Variants in GNG4 observed in about 807,000 individuals in gnomAD.
The protein encoded by GNG4 is G protein subunit gamma 4.
Under a neutral mutation model 5.8 loss-of-function variants are expected in GNG4, and 4 were observed. That is an observed-to-expected ratio of 0.69 (90% CI 0.34 to 1.57). GNG4 has a LOEUF of 1.57. GNG4 is among the 40% of genes most tolerant of loss of function. The pLI, the probability that GNG4 is intolerant of heterozygous loss-of-function variation, is 0.06. For synonymous variants in GNG4, 29 were observed against 32.9 expected (o/e 0.88, Z 0.41); for missense variants, 96 against 95.1 (o/e 1.01, Z -0.04).
At chr1:235,628,366 C>A (rs1688862552) in intron 1 of GNG4, among the ~76,000 whole-genome samples, 1 of 151,780 alleles carries the variant, frequency 6.6e-6, no homozygotes, top group Non-Finnish European at 1.5e-5. Context: ...CGGAGAGTGA[C>A]CCTCTCTGCA....
intron 3 of GNG4, among the ~76,000 whole-genome samples, chr1:235,554,115 G>A (rs1020223621): frequency 6.6e-6 from 1 of 152,158 alleles, no homozygotes; most frequent in African/African-American, 2.4e-5. Context: ...TAAGGAAATG[G>A]ACTCTGAGGC....
At chr1:235,625,959 T>C (rs1688800502) in intron 1 of GNG4, among the ~76,000 whole-genome samples, 1 of 152,184 alleles carries the variant, frequency 6.6e-6, no homozygotes, top group African/African-American at 2.4e-5. Context: ...AGGAGTGCAA[T>C]TGCTATAGCA....
intron 3 of GNG4, among the ~76,000 whole-genome samples, chr1:235,556,333 G>A (rs887004123): frequency 6.6e-6 from 1 of 151,752 alleles, no homozygotes; most frequent in Admixed American, 6.6e-5. Context: ...GCCGAGGCAG[G>A]CAGATCACAA....
intron 2 of GNG4, among the ~76,000 whole-genome samples, chr1:235,593,331 G>T (rs899464727): frequency 6.6e-6 from 1 of 152,180 alleles, no homozygotes; most frequent in African/African-American, 2.4e-5. Flanking sequence ...CCAATGCAAG[G>T]CGGTTCCATC....
At chr1:235,570,578 G>C (rs1687308094) in intron 3 of GNG4, among the ~76,000 whole-genome samples, 2 of 151,568 alleles carry the variant, frequency 1.3e-5, no homozygotes, top group African/African-American at 4.8e-5. Context: ...TGTATCTTTA[G>C]TAGAGACAGG....
chr1:235,627,075 C>G (rs1490691271), intron 1 of GNG4, among the ~76,000 whole-genome samples: 1 of 149,230 alleles, frequency 6.7e-6, no homozygotes, highest in African/African-American at 2.5e-5. Context: ...AAGAGAAATG[C>G]ACCATCGCTA....
At chr1:235,559,102 C>A (rs1472065130) in intron 3 of GNG4, among the ~76,000 whole-genome samples, 1 of 152,182 alleles carries the variant, frequency 6.6e-6, no homozygotes. Flanking sequence ...CTGAAGTAGA[C>A]AGACCCACAC....
intron 1 of GNG4, among the ~76,000 whole-genome samples, chr1:235,626,820 G>A (rs530405177): frequency 2.0e-5 from 3 of 151,984 alleles, no homozygotes; most frequent in African/African-American, 7.2e-5. Flanking sequence ...TTAGCTGGGC[G>A]TGGTGGCACA....
chr1:235,627,650 T>C (rs1306147066), intron 1 of GNG4, among the ~76,000 whole-genome samples: 1 of 152,148 alleles, frequency 6.6e-6, no homozygotes, highest in African/African-American at 2.4e-5. Flanking sequence ...GCTGCGGCAG[T>C]CAATCTGTGC....
chr1:235,574,815 A>T (rs760028515), intron 3 of GNG4, among the ~76,000 whole-genome samples: 1 of 151,922 alleles, frequency 6.6e-6, no homozygotes, highest in Non-Finnish European at 1.5e-5. Context: ...ATCTGTCACG[A>T]CACAATCCTT....
rs1417642301 is a variant in GNG4, at chr1:235,648,532, A to G, written c.-123+1130T>C. On this transcript the variant is annotated intron_variant, in intron 1 of 3. Transcript: ENST00000391854. The surrounding 1 kb of genome is among the most constrained non-coding windows in gnomAD (Gnocchi z 5.0). ...CCCCCGCCTCATACAAAAATCAGGA[A>G]AAGGAGTTGCGGGAGGAATCGAGAA... 1.3e-5 allele frequency among the ~76,000 whole-genome samples: 2 copies of G among 152,178 alleles called. No individual in the cohort carries two copies. The highest frequency in any genetic ancestry group is 4.8e-5 in the African/African-American group (2 of 41,446).
At chr1:235,591,779 C>A (rs1687970238) in intron 2 of GNG4, among the ~76,000 whole-genome samples, 1 of 152,224 alleles carries the variant, frequency 6.6e-6, no homozygotes, top group Non-Finnish European at 1.5e-5. Flanking sequence ...TTAGGGGTGG[C>A]ACCTGGGGCC....
chr1:235,571,663 C>T (rs540104023), intron 3 of GNG4, among the ~76,000 whole-genome samples: 67 of 152,128 alleles, frequency 4.4e-4, no homozygotes, highest in African/African-American at 1.6e-3. Flanking sequence ...CGCTTAATGA[C>T]GGGGATATGT....
chr1:235,564,208 CTAAA>C (rs1180312287), intron 3 of GNG4, among the ~76,000 whole-genome samples: 1 of 151,972 alleles, frequency 6.6e-6, no homozygotes, highest in Non-Finnish European at 1.5e-5. Flanking sequence ...TAACTGGGAG[CTAAA>C]TATTGAGTAC....
chr1:235,569,255 A>T (rs1571882372), intron 3 of GNG4, among the ~76,000 whole-genome samples: 1 of 152,286 alleles, frequency 6.6e-6, no homozygotes, highest in Non-Finnish European at 1.5e-5. Context: ...CACGCCTGTA[A>T]TCCTAGCACT....
At position 235,553,477 on chromosome 1, in the gene GNG4, A is replaced by G. The variant is rs540448336; in HGVS notation, c.100-1240T>C. 4.3e-4 allele frequency among the ~76,000 whole-genome samples: 66 copies of G among 152,328 alleles called. 2 individuals are homozygous for G. In the South Asian group the frequency reaches 0.013, roughly 30 times the overall value. On this transcript the variant is annotated intron_variant, in intron 3 of 3. Coordinates refer to ENST00000391854, the MANE Select transcript of GNG4 (RefSeq NM_001098722.2). Reference sequence around the variant, plus strand: ...CCCCAGAATGATAAAAATGTTCCACAGATGAAGAAAAAAAATGTTTAGAAG... The same window carrying G: ...CCCCAGAATGATAAAAATGTTCCACGGATGAAGAAAAAAAATGTTTAGAAG...
intron 1 of GNG4, among the ~76,000 whole-genome samples, chr1:235,600,100 C>CTTTTTTTTTTTTTTTTTTTTTTTTTTT (rs533853180): frequency 2.3e-5 from 1 of 43,128 alleles, no homozygotes. Context: ...CGGAAGAAAG[C>CTTTTTTTTTTTTTTTTTTTTTTTTTTT]TTTTTTTTTT....
intron 3 of GNG4, among the ~76,000 whole-genome samples, chr1:235,557,190 A>G (rs1648755682): frequency 1.3e-5 from 2 of 152,144 alleles, no homozygotes; most frequent in Admixed American, 1.3e-4. Context: ...TCTATAATCT[A>G]CACTGTATAC....
rs527579971 is a variant in GNG4 at position 235,610,860 on chromosome 1, G to A, written c.-122-15349C>T. Among the ~76,000 whole-genome samples, 863 of 152,224 alleles carry A rather than the reference G, an allele frequency of 5.7e-3. 4 individuals carry two copies. Among genetic ancestry groups the A allele is most frequent in the African/African-American group, 8.3e-3 (343 of 41,534 alleles). Reference sequence around the variant, plus strand: ...AACACTTTGGGAGGCTGAGGAGGGCGGATCACCTGAGGTCAGGAGTTCAAG... The same window carrying A: ...AACACTTTGGGAGGCTGAGGAGGGCAGATCACCTGAGGTCAGGAGTTCAAG... On this transcript the variant is annotated intron_variant, in intron 1 of 3. Transcript: ENST00000391854.
Sources: allele counts gnomAD v4.1 joint callset (sites outside exome capture counted in the v4.1 genomes callset), GRCh38; gene constraint gnomAD v4.1.1; non-coding constraint Gnocchi (gnomAD v3.1); transcripts MANE v1.5; gene names NCBI Gene and HGNC (gene_info 2026-07-23, HGNC 2026-07-21).